ELF1: variants seen among roughly 807,000 people sequenced by gnomAD.
The protein encoded by ELF1 is E74 like ETS transcription factor 1.
A neutral mutation model predicts 59.9 loss-of-function variants in ELF1; 24 were observed. That is an observed-to-expected ratio of 0.40 (90% confidence interval 0.29 to 0.56). The LOEUF (loss-of-function observed/expected upper bound fraction) is 0.56. Ranked by LOEUF, ELF1 falls within the 20% of genes least tolerant of loss-of-function variation. The pLI is 0.44. For synonymous variants in ELF1, 248 were observed against 266.2 expected (o/e 0.93, Z 0.67); for missense variants, 627 against 742.2 (o/e 0.84, Z 1.80).
intron 2 of ELF1, among the ~76,000 whole-genome samples, chr13:40,972,684 G>A (rs1178930639): frequency 6.6e-6 from 1 of 152,128 alleles, no homozygotes; most frequent in African/African-American, 2.4e-5. Flanking sequence ...AACCTTGGGA[G>A]GTAATTCTGT....
chr13:41,017,261 C>G (rs1875459922), intron 1 of ELF1, among the ~76,000 whole-genome samples: 1 of 151,972 alleles, frequency 6.6e-6, no homozygotes, highest in African/African-American at 2.4e-5. Flanking sequence ...TTTATTTACT[C>G]TTAAGGAAAT....
At chr13:40,955,945 A>G (rs1593360735) in intron 3 of ELF1, among the ~76,000 whole-genome samples, 1 of 99,036 alleles carries the variant, frequency 1.0e-5, no homozygotes, top group African/African-American at 4.3e-5. Flanking sequence ...TCCGGGAGGG[A>G]GGCGGGGGGG....
chr13:41,032,779 G>A (rs1203892095), intron 1 of ELF1, among the ~76,000 whole-genome samples: 1 of 150,850 alleles, frequency 6.6e-6, no homozygotes, highest in Non-Finnish European at 1.5e-5. Context: ...GAGCCCAGGA[G>A]TTTGAGGTCA....
chr13:40,944,336 T>C (rs897232802), intron 5 of ELF1, among the ~76,000 whole-genome samples: 3 of 152,218 alleles, frequency 2.0e-5, no homozygotes, highest in African/African-American at 4.8e-5. Context: ...ACAAGCTTTT[T>C]AAGGTAGGAG....
intron 1 of ELF1, among the ~76,000 whole-genome samples, chr13:41,012,916 A>G (rs1875161327): frequency 1.3e-5 from 2 of 152,076 alleles, no homozygotes; most frequent in African/African-American, 4.8e-5. Context: ...TTTACTACAT[A>G]TATATCAAGA....
At chr13:40,949,347 T>C (rs1870703261) in intron 5 of ELF1, among the ~76,000 whole-genome samples, 2 of 152,016 alleles carry the variant, frequency 1.3e-5, no homozygotes, top group African/African-American at 4.8e-5. Context: ...TTTTCTTATT[T>C]ATTTATTTTT....
chr13:40,955,930 C>A (rs570466339), intron 3 of ELF1, among the ~76,000 whole-genome samples: 34 of 119,744 alleles, frequency 2.8e-4, no homozygotes, highest in South Asian at 2.8e-4. Flanking sequence ...CGGCCAGCCG[C>A]CCCGTCCGGG....
intron 3 of ELF1, among the ~76,000 whole-genome samples, chr13:40,951,904 A>G (rs1029252520): frequency 1.9e-4 from 29 of 152,186 alleles, no homozygotes; most frequent in African/African-American, 6.3e-4. Flanking sequence ...TAAAAAATCA[A>G]TATTTCCTTA....
At chr13:41,052,629 T>C (rs1263397749) in intron 1 of ELF1, among the ~76,000 whole-genome samples, 1 of 152,082 alleles carries the variant, frequency 6.6e-6, no homozygotes, top group African/African-American at 2.4e-5. Context: ...GGCGGGAAGA[T>C]CACCTGAACC....
chr13:41,060,824 C>G (rs547075747), intron 1 of ELF1: 5 of 236,298 alleles, frequency 2.1e-5, no homozygotes, highest in South Asian at 9.8e-5. Context: ...CTATGAGAAA[C>G]TGCCGTGACC....
intron 8 of ELF1, among the ~76,000 whole-genome samples, chr13:40,936,777 AG>A (rs767292750): frequency 2.1e-3 from 304 of 147,302 alleles, no homozygotes; most frequent in African/African-American, 7.2e-3. Context: ...AAAAAAAAAA[AG>A]AAAAAAAAGA....
intron 8 of ELF1, among the ~76,000 whole-genome samples, chr13:40,935,171 T>G (rs372612445): frequency 4.8e-4 from 73 of 152,258 alleles, no homozygotes; most frequent in African/African-American, 1.5e-3. Context: ...CAATCTAATT[T>G]AAAAAGTTCA....
At chr13:41,009,074 C>G (rs1390482049) in intron 1 of ELF1, among the ~76,000 whole-genome samples, 1 of 151,874 alleles carries the variant, frequency 6.6e-6, no homozygotes, top group Non-Finnish European at 1.5e-5. Flanking sequence ...AGGCTTGGGT[C>G]ACCATACCTG....
chr13:41,002,100 G>A (rs1024842212), intron 1 of ELF1, among the ~76,000 whole-genome samples: 2 of 151,962 alleles, frequency 1.3e-5, no homozygotes, highest in Admixed American at 1.3e-4. Flanking sequence ...GTGAGGGGAA[G>A]GGAAAATCTG....
intron 1 of ELF1, among the ~76,000 whole-genome samples, chr13:41,038,168 C>G (rs573817976): frequency 6.6e-6 from 1 of 151,454 alleles, no homozygotes; most frequent in African/African-American, 2.4e-5. Flanking sequence ...ATAAAAAGAT[C>G]TGATATTACA....
rs1289495405 is a variant in ELF1, at chr13:40,940,962, G to T, written c.1215C>A (p.Thr405=). 6.2e-7 allele frequency: 1 copy of T among 1,614,114 alleles called. No individual in the cohort carries two copies. Among genetic ancestry groups the T allele is most frequent in the East Asian group, 2.2e-5 (1 of 44,890 alleles). The change falls in exon 8 of 9, where the codon ACC becomes ACA. Residue 405 remains threonine, a synonymous_variant. Transcript: ENST00000239882. ...AAGAATTTAATGTTTCATCCTGCAT[G>T]GTACTGGTTCTAGCTGCTTCTCCCT... The part of the protein sequence containing the change: ...VPEGEAARTS[T]MQDETLNSSV...
intron 1 of ELF1, among the ~76,000 whole-genome samples, chr13:41,017,070 T>G (rs1875449524): frequency 6.8e-6 from 1 of 146,282 alleles, no homozygotes; most frequent in African/African-American, 2.5e-5. Flanking sequence ...TCTAAAGCCA[T>G]CTTAAAATAA....
Position 40,933,908 on chromosome 13 carries a change from T to G in ELF1, c.1377A>C (p.Ala459=), listed in dbSNP as rs762228481. The G allele has an allele frequency of 2.5e-6, 4 of 1,614,160 alleles. No homozygotes were observed. In the Admixed American group the frequency reaches 6.7e-5, roughly 27 times the overall value. The change falls in exon 9 of 9, where the codon GCA becomes GCC. Residue 459 remains alanine (A), a synonymous_variant. Transcript: ENST00000239882. ...AAATAAACTTCTGAGATCCAGTACC[T>G]GCTGATGGATCTGTGCTGGCTATAA... The part of the protein sequence containing the change: ...TTVIASTDPS[A]GTGSQKFILQ...
chr13:40,973,910 C>T (rs1007038774), intron 2 of ELF1, among the ~76,000 whole-genome samples: 9 of 152,070 alleles, frequency 5.9e-5, no homozygotes, highest in African/African-American at 2.2e-4. Context: ...AGAAGCCAGT[C>T]GCAAGACAGC....
Sources: allele counts gnomAD v4.1 joint callset (sites outside exome capture counted in the v4.1 genomes callset), GRCh38; gene constraint gnomAD v4.1.1; transcripts MANE v1.5; gene names NCBI Gene and HGNC (gene_info 2026-07-23, HGNC 2026-07-21).